The following POU6F2 variants were observed in gnomAD, a reference collection of about 807,000 sequenced individuals.
POU6F2 encodes the protein POU class 6 homeobox 2.
Under a neutral mutation model 71.3 loss-of-function variants are expected in POU6F2, and 31 were observed. That is an observed-to-expected ratio of 0.43 (90% confidence interval 0.33 to 0.59). POU6F2 has a LOEUF of 0.59. Ranked by LOEUF, POU6F2 falls within the 20% of genes least tolerant of loss-of-function variation. The pLI is 0.04. For missense variants in POU6F2, 783 were observed against 856.8 expected, an observed-to-expected ratio of 0.91 and a Z score of 1.07; for synonymous variants, 347 against 355.7, an observed-to-expected ratio of 0.98 and a Z score of 0.27.
chr7:39,330,384 AC>A (rs1164492466), intron 4 of POU6F2, among the ~76,000 whole-genome samples: 24 of 152,248 alleles, frequency 1.6e-4, no homozygotes, highest in African/African-American at 4.8e-4. Flanking sequence ...TCCACGTAGT[AC>A]CCCGGTCCTC....
intron 5 of POU6F2, among the ~76,000 whole-genome samples, chr7:39,379,587 T>G (rs1786783257): frequency 6.6e-6 from 1 of 152,196 alleles, no homozygotes; most frequent in Non-Finnish European, 1.5e-5. Flanking sequence ...AAATGCCCTT[T>G]AGGTAAAATT....
chr7:39,339,779 C>G lies in POU6F2; in HGVS notation c.736C>G (p.Gln246Glu). The change falls in exon 5 of 10, where the codon CAG becomes GAG. Residue 246 changes from glutamine to glutamate, a missense_variant. Gln to Glu is a conservative substitution (Grantham distance 29). This residue lies in a region of POU6F2 where 572 missense variants were observed against 572.9 expected (regional missense o/e 1.00). Transcript: ENST00000518318. ...CCCACAGGCGCCCTCGCAGTCCCAGCAGCAGCCGCTGCAGCCCACCCCACC... is the reference window on the plus strand; with the variant it reads ...CCCACAGGCGCCCTCGCAGTCCCAGGAGCAGCCGCTGCAGCCCACCCCACC... The part of the protein sequence containing the change: ...PAPQAPSQSQ[Q>E]QPLQPTPPQQ... 1.9e-6 allele frequency: 3 copies of G among 1,578,108 alleles called. No individual in the cohort carries two copies. The highest frequency in any genetic ancestry group is 2.3e-5 in the South Asian group (2 of 87,614).
At position 39,385,409 on chromosome 7, in the gene POU6F2, T is replaced by C. The variant is rs116175266; in HGVS notation, c.973-21191T>C. Among the ~76,000 whole-genome samples, 929 of 152,254 alleles carry C rather than the reference T, an allele frequency of 6.1e-3. 2 individuals are homozygous for C. The highest frequency in any genetic ancestry group is 0.021 in the African/African-American group (865 of 41,542). ...ATAAGACATGGTCTCTGCTCCTGAG[T>C]TGCACACGGTCCTGGGAAACCATCA... On this transcript the variant is annotated intron_variant, in intron 5 of 9. Transcript: ENST00000518318.
intron 2 of POU6F2, among the ~76,000 whole-genome samples, chr7:39,128,943 A>G (rs1464333900): frequency 6.6e-6 from 1 of 152,238 alleles, no homozygotes. Flanking sequence ...ATCCTTATTT[A>G]GTAAAAGACT....
intron 7 of POU6F2, among the ~76,000 whole-genome samples, chr7:39,442,929 A>G (rs1788437817): frequency 6.6e-6 from 1 of 152,200 alleles, no homozygotes; most frequent in African/African-American, 2.4e-5. Flanking sequence ...TTGCAGCTCT[A>G]GTTTGGGAGT....
chr7:39,092,859 G>A (rs1791383897), intron 2 of POU6F2, among the ~76,000 whole-genome samples: 1 of 152,132 alleles, frequency 6.6e-6, no homozygotes, highest in South Asian at 2.1e-4. Flanking sequence ...TAGATCTCTT[G>A]AGGCTAAAGA....
At chr7:39,331,036 C>G (rs865968661) in intron 4 of POU6F2, among the ~76,000 whole-genome samples, 1 of 152,134 alleles carries the variant, frequency 6.6e-6, no homozygotes, top group Admixed American at 6.5e-5. Context: ...TGGTATTTGT[C>G]TTTTTGTGTC....
chr7:39,334,764 C>A (rs911437413), intron 4 of POU6F2, among the ~76,000 whole-genome samples: 1 of 152,164 alleles, frequency 6.6e-6, no homozygotes. Context: ...TCAGATTCCT[C>A]CTTTTGGGAT....
At chr7:39,328,246 C>A (rs1214471530) in intron 4 of POU6F2, among the ~76,000 whole-genome samples, 1 of 152,186 alleles carries the variant, frequency 6.6e-6, no homozygotes, top group South Asian at 2.1e-4. Context: ...TGCTGAAATT[C>A]TAGCCATTAA....
chr7:38,988,742 T>A (rs960672520), intron 1 of POU6F2, among the ~76,000 whole-genome samples: 3 of 152,124 alleles, frequency 2.0e-5, no homozygotes, highest in Non-Finnish European at 4.4e-5. Flanking sequence ...GCTAAGGACG[T>A]GGCGCAAGGC....
At chr7:39,201,178 G>A (rs6955924) in intron 2 of POU6F2, among the ~76,000 whole-genome samples, 56,686 of 152,090 alleles carry the variant, frequency 0.37, 10,896 homozygotes, top group South Asian at 0.49. Context: ...GAGGGGTACT[G>A]TTGTTATCCC....
Position 38,984,423 on chromosome 7 carries a change from A to G in POU6F2, c.105+6365A>G, listed in dbSNP as rs372386302. 21 of 152,212 alleles carry G rather than the reference A, an allele frequency of 1.4e-4. No homozygotes were observed. In the South Asian group the frequency reaches 4.4e-3, roughly 32 times the overall value. 9.4% of individuals were successfully genotyped at this position (152,212 alleles called of 1,614,324 possible). ...AAAGGGCACTGGAAAGAGAGACAAG[A>G]CCTCGAGCAAAACAAAGCAAAAAGG... is the stretch of plus-strand genomic sequence containing the variant. On this transcript the variant is annotated intron_variant, in intron 1 of 9. Coordinates refer to ENST00000518318, the MANE Select transcript of POU6F2 (RefSeq NM_001370959.1).
intron 4 of POU6F2, among the ~76,000 whole-genome samples, chr7:39,288,739 C>T (rs1784695164): frequency 6.6e-6 from 1 of 152,140 alleles, no homozygotes; most frequent in Non-Finnish European, 1.5e-5. Flanking sequence ...TTCATTGAAT[C>T]AGAGTGTCTG....
intron 2 of POU6F2, among the ~76,000 whole-genome samples, chr7:39,094,765 T>G (rs1310579800): frequency 3.9e-5 from 6 of 152,156 alleles, no homozygotes; most frequent in Admixed American, 3.9e-4. Context: ...TGAAGCTGTT[T>G]TAAAAGCATG....
chr7:39,392,642 G>A (rs1046550420), intron 5 of POU6F2, among the ~76,000 whole-genome samples: 1 of 152,176 alleles, frequency 6.6e-6, no homozygotes, highest in Non-Finnish European at 1.5e-5. Flanking sequence ...AACTGCTGTG[G>A]CTTCTTTGCT....
At chr7:39,177,980 G>T (rs368823300) in intron 2 of POU6F2, among the ~76,000 whole-genome samples, 2 of 152,172 alleles carry the variant, frequency 1.3e-5, no homozygotes, top group East Asian at 3.9e-4. Context: ...CTTCAGCCAG[G>T]CGTGGTGGAT....
rs1314189076 is a variant in POU6F2, at chr7:39,015,830, GATATATAATATATTATATATAGATAT to G, written c.105+37778_105+37803del. On this transcript the variant is annotated intron_variant, in intron 1 of 9. Transcript: ENST00000518318. ...ATTATATAGGTATATATTATATATA[GATATATAATATATTATATATAGATAT>G]ATATAATATATTATATATAGATATA... is the stretch of plus-strand genomic sequence containing the variant. Among the ~76,000 whole-genome samples, 13 of 64,552 alleles carry G rather than the reference GATATATAATATATTATATATAGATAT, an allele frequency of 2.0e-4. 1 individual carries two copies. The highest frequency in any genetic ancestry group is 1.1e-3 in the Admixed American group (4 of 3,636). 42.3% of individuals were successfully genotyped at this position (64,552 alleles called of 152,430 possible). A position where few individuals can be genotyped will look rare whatever the true frequency, so the allele number is the denominator to read the frequency against.
At position 39,154,890 on chromosome 7, in the gene POU6F2, C is replaced by G. The variant is rs560826052; in HGVS notation, c.278-49345C>G. Among the ~76,000 whole-genome samples the G allele has an allele frequency of 1.2e-4, 19 of 152,170 alleles. No homozygotes were observed. The East Asian group carries it at 3.5e-3, about 28-fold the overall frequency. On this transcript the variant is annotated intron_variant, in intron 2 of 9. Transcript: ENST00000518318. ...GTGTTTCTGTAGTAATCCCATGGCC[C>G]GGAAATAGTAAAATAGTTCAACATG...
chr7:38,982,872 T>A (rs1788358424), intron 1 of POU6F2, among the ~76,000 whole-genome samples: 1 of 152,074 alleles, frequency 6.6e-6, no homozygotes, highest in Non-Finnish European at 1.5e-5. Context: ...CAAAAGAAAG[T>A]TTGCATGTAA....
Sources: gnomAD v4.1 joint callset for allele counts (sites outside exome capture counted in the v4.1 genomes callset) on GRCh38, gnomAD v4.1.1 for gene constraint, gnomAD v4.1.1 regional missense constraint, MANE v1.5 for transcripts, NCBI Gene and HGNC (gene_info 2026-07-23, HGNC 2026-07-21) for gene names.